Variants in ESRRG observed in about 807,000 individuals in gnomAD.
The protein encoded by ESRRG is estrogen-related receptor gamma.
Under a neutral mutation model 44.0 loss-of-function variants are expected in ESRRG, and 13 were observed. The ratio of observed to expected loss-of-function variants is 0.30; its 90% CI spans 0.19 to 0.47. The LOEUF (loss-of-function observed/expected upper bound fraction) is 0.47, where lower values mean the gene tolerates loss of function less well. Among genes scored for constraint, ESRRG ranks in the 20% least tolerant of loss-of-function variants. The pLI, the probability that ESRRG is intolerant of heterozygous loss-of-function variation, is 1.00. For synonymous variants in ESRRG, 215 were observed against 214.6 expected, an observed-to-expected ratio of 1.00 and a Z score of -0.02; for missense variants, 395 against 580.6, an observed-to-expected ratio of 0.68 and a Z score of 3.29.
rs1163216280 is a variant in ESRRG at position 216,593,737 on chromosome 1, CT to C, written c.590-25640del. 3.3e-5 allele frequency among the ~76,000 whole-genome samples: 5 copies of C among 152,270 alleles called. No individual in the cohort carries two copies. In the East Asian group the frequency reaches 7.7e-4, roughly 24 times the overall value. On this transcript the variant is annotated intron_variant, in intron 3 of 6. Coordinates refer to ENST00000408911, the MANE Select transcript of ESRRG (RefSeq NM_001438.4). Reference sequence around the variant, plus strand: ...CTAGGATTTATTCCATTCATACTGACTTTTTGTGTGTGTGTTGGGGGGAACA... The same window carrying C: ...CTAGGATTTATTCCATTCATACTGACTTTTGTGTGTGTGTTGGGGGGAACA...
At chr1:216,687,334 C>A (rs906394614) in intron 1 of ESRRG, among the ~76,000 whole-genome samples, 1 of 151,962 alleles carries the variant, frequency 6.6e-6, no homozygotes, top group Non-Finnish European at 1.5e-5. Context: ...AATGTTTGTC[C>A]CAGTGTGCGA....
At position 216,504,873 on chromosome 1, in the gene ESRRG, A is replaced by T. The variant is rs991901469; in HGVS notation, c.*2066T>A. The T allele has an allele frequency of 6.6e-6, 1 of 152,566 alleles. No individual in the cohort carries two copies. The highest frequency in any genetic ancestry group is 6.5e-5 in the Admixed American group (1 of 15,272). The allele number at this position is 152,566 out of a possible 1,614,324, so 9.5% of individuals were successfully genotyped here. A position where few individuals can be genotyped will look rare whatever the true frequency, so the allele number is the denominator to read the frequency against. On this transcript the variant is annotated 3_prime_UTR_variant, in exon 7 of 7. Coordinates refer to ENST00000408911, the MANE Select transcript of ESRRG (RefSeq NM_001438.4). ...TTGGAGTTTCAATCTCTTAATTATT[A>T]TTAGGAAGAACCTTATTACTGGTAA...
At chr1:216,828,861 C>A (rs2095439889) in intron 2 of ESRRG, among the ~76,000 whole-genome samples, 1 of 152,134 alleles carries the variant, frequency 6.6e-6, no homozygotes, top group Non-Finnish European at 1.5e-5. Context: ...TCATCCTAGT[C>A]TGTGTGGTAT....
At chr1:216,577,466 T>A (rs1179439423) in intron 3 of ESRRG, among the ~76,000 whole-genome samples, 1 of 152,038 alleles carries the variant, frequency 6.6e-6, no homozygotes, top group Middle Eastern at 3.2e-3. Context: ...TACATCAACA[T>A]CAGAAGTGAT....
chr1:216,877,688 A>G (rs1429091179), intron 2 of ESRRG, among the ~76,000 whole-genome samples: 1 of 151,984 alleles, frequency 6.6e-6, no homozygotes, highest in Non-Finnish European at 1.5e-5. Context: ...ACGGGTGCCT[A>G]TACATACATA....
At chr1:216,898,196 T>C (rs1390818609) in intron 2 of ESRRG, among the ~76,000 whole-genome samples, 1 of 152,226 alleles carries the variant, frequency 6.6e-6, no homozygotes, top group African/African-American at 2.4e-5. Flanking sequence ...GTTTGCACCA[T>C]GAATTTCTCC....
At chr1:216,596,118 C>A (rs1486039670) in intron 3 of ESRRG, among the ~76,000 whole-genome samples, 1 of 152,146 alleles carries the variant, frequency 6.6e-6, no homozygotes, top group African/African-American at 2.4e-5. Flanking sequence ...GAATGAGGAA[C>A]AACATAAAAC....
In ESRRG at chr1:216,684,312, T is replaced by C. The variant is rs1575263527; in HGVS notation, c.57-6821A>G. Among the ~76,000 whole-genome samples, 3 of 152,346 alleles carry C rather than the reference T, an allele frequency of 2.0e-5. No individual in the cohort carries two copies. In the South Asian group the frequency reaches 6.2e-4, roughly 32 times the overall value. On this transcript the variant is annotated intron_variant, in intron 1 of 6. Coordinates refer to ENST00000408911, the MANE Select transcript of ESRRG (RefSeq NM_001438.4). Reference sequence around the variant, plus strand: ...AAGAAATGGTCCTGTGATATCACAATGTGTTGCACATTATGATTGTTGACA... The same window carrying C: ...AAGAAATGGTCCTGTGATATCACAACGTGTTGCACATTATGATTGTTGACA...
intron 2 of ESRRG, among the ~76,000 whole-genome samples, chr1:216,742,191 C>T (rs569907311): frequency 1.3e-5 from 2 of 152,240 alleles, no homozygotes; most frequent in South Asian, 4.1e-4. Flanking sequence ...GGATTTTTGC[C>T]TCAGCTATTC....
At chr1:216,750,873 T>C (rs1231116537) in intron 2 of ESRRG, among the ~76,000 whole-genome samples, 2 of 152,154 alleles carry the variant, frequency 1.3e-5, no homozygotes, top group Non-Finnish European at 2.9e-5. Flanking sequence ...AAAGGCTTCA[T>C]AAGAAATACC....
At chr1:216,534,694 G>A (rs560916132) in intron 5 of ESRRG, among the ~76,000 whole-genome samples, 1 of 152,210 alleles carries the variant, frequency 6.6e-6, no homozygotes, top group African/African-American at 2.4e-5. Flanking sequence ...CTCTTTTGGT[G>A]AATTAAGCAT....
intron 2 of ESRRG, among the ~76,000 whole-genome samples, chr1:216,752,012 C>T (rs1032084454): frequency 1.3e-5 from 2 of 152,078 alleles, no homozygotes; most frequent in Admixed American, 6.6e-5. Flanking sequence ...GGCCATCATC[C>T]TTGCTCTGTG....
At chr1:217,050,638 G>A (rs1273121922) in intron 1 of ESRRG, among the ~76,000 whole-genome samples, 2 of 152,068 alleles carry the variant, frequency 1.3e-5, no homozygotes, top group Non-Finnish European at 2.9e-5. Flanking sequence ...AAATTTCCAG[G>A]GTAGAATGAG....
At chr1:216,534,252 C>T (rs919801901) in intron 5 of ESRRG, among the ~76,000 whole-genome samples, 8 of 152,094 alleles carry the variant, frequency 5.3e-5, no homozygotes, top group African/African-American at 1.9e-4. Flanking sequence ...CAGTGAACAT[C>T]TCATTTATTC....
chr1:216,630,755 T>C (rs1405007872), intron 3 of ESRRG, among the ~76,000 whole-genome samples: 1 of 152,124 alleles, frequency 6.6e-6, no homozygotes, highest in Non-Finnish European at 1.5e-5. Context: ...GTCTTCAACA[T>C]GATAATGAGC....
intron 2 of ESRRG, among the ~76,000 whole-genome samples, chr1:216,779,497 T>TATAA (rs1553603812): frequency 2.0e-4 from 1 of 4,910 alleles, no homozygotes. Context: ...TATATATTTA[T>TATAA]ATATAAATAT....
chr1:216,819,884 T>C (rs1251029636), intron 2 of ESRRG, among the ~76,000 whole-genome samples: 1 of 152,164 alleles, frequency 6.6e-6, no homozygotes, highest in East Asian at 1.9e-4. Context: ...TGTAGAACAA[T>C]GGAAATGTTT....
At chr1:217,114,462 G>T (rs180914470) in intron 1 of ESRRG, among the ~76,000 whole-genome samples, 392 of 152,048 alleles carry the variant, frequency 2.6e-3, no homozygotes, top group African/African-American at 8.9e-3. Flanking sequence ...CTAACTTCAG[G>T]ATAAAACAGA....
intron 1 of ESRRG, among the ~76,000 whole-genome samples, chr1:216,711,032 C>T (rs1185630638): frequency 6.6e-6 from 1 of 152,184 alleles, no homozygotes; most frequent in Non-Finnish European, 1.5e-5. Flanking sequence ...GAAAAACGTA[C>T]TGAGTCCTGA....
Sources: allele counts gnomAD v4.1 joint callset (sites outside exome capture counted in the v4.1 genomes callset), GRCh38; gene constraint gnomAD v4.1.1; transcripts MANE v1.5; gene names NCBI Gene and HGNC (gene_info 2026-07-23, HGNC 2026-07-21).